The following ERG variants were observed in gnomAD, a reference collection of about 807,000 sequenced individuals.
The protein encoded by ERG is ETS transcription factor ERG, also known as transcriptional regulator ERG.
A neutral mutation model predicts 55.3 loss-of-function variants in ERG; 9 were observed. The ratio of observed to expected loss-of-function variants is 0.16; its 90% CI spans 0.10 to 0.28. The LOEUF (loss-of-function observed/expected upper bound fraction) is 0.28. ERG is among the 10% of genes least tolerant of loss of function. ERG has a pLI of 1.00. For synonymous variants in ERG, 223 were observed against 237.3 expected, an observed-to-expected ratio of 0.94 and a Z score of 0.55; for missense variants, 434 against 631.6, an observed-to-expected ratio of 0.69 and a Z score of 3.35.
intron 1 of ERG, chr21:38,575,776 A>C (rs554240896): frequency 1.3e-6 from 2 of 1,512,130 alleles, no homozygotes; most frequent in Admixed American, 1.7e-5. Context: ...AACATACATA[A>C]TAATAAACAA....
At chr21:38,484,286 C>T (rs2059264302) in intron 1 of ERG, among the ~76,000 whole-genome samples, 2 of 152,084 alleles carry the variant, frequency 1.3e-5, no homozygotes, top group Admixed American at 6.6e-5. Flanking sequence ...GATTCTTAAT[C>T]ATGATTAACC....
At chr21:38,368,655 T>A in the ERG span, among the ~76,000 whole-genome samples, 5 of 152,108 alleles carry the variant, frequency 3.3e-5, no homozygotes, top group African/African-American at 1.2e-4. Flanking sequence ...CAAGTGCAGG[T>A]TTATTACATA....
At chr21:38,543,364 T>TAAA (rs57245755) in intron 2 of ERG, among the ~76,000 whole-genome samples, 76,807 of 148,766 alleles carry the variant, frequency 0.52, 22,795 homozygotes, top group Non-Finnish European at 0.68. Context: ...TGTTTTTTTT[T>TAAA]AAAAAAAAAG....
rs575813793 is a variant in ERG at position 38,504,569 on chromosome 21, C to A, written c.-41+71093G>T. ...TTGGAAACCATTAAATGAGTTTCAACTTCTTTGTCCGTATAACTGGGTATA... is the reference window on the plus strand; with the variant it reads ...TTGGAAACCATTAAATGAGTTTCAAATTCTTTGTCCGTATAACTGGGTATA... On this transcript the variant is annotated intron_variant, in intron 2 of 8. Transcript: ENST00000398897. 3.3e-5 allele frequency among the ~76,000 whole-genome samples: 5 copies of A among 152,278 alleles called. No individual in the cohort carries two copies. In the South Asian group the frequency reaches 8.3e-4, roughly 25 times the overall value.
In ERG at chr21:38,383,454, G is replaced by T; in HGVS notation, c.1389C>A (p.Asn463Lys). 6.6e-7 allele frequency: 1 copy of T among 1,522,552 alleles called. No homozygotes were observed. Among genetic ancestry groups the T allele is most frequent in the Non-Finnish European group, 8.8e-7 (1 of 1,134,762 alleles). The allele number at this position is 1,522,552 out of a possible 1,614,324, so 94.3% of individuals were successfully genotyped here. A position where few individuals can be genotyped will look rare whatever the true frequency, so the allele number is the denominator to read the frequency against. ...WNSPTGGIYP[N>K]TRLPTSHMPS... ...GCATATGGCTGGTGGGGAGCCTAGTGTTGGGGTATATACCCCCAGTTGGTG... is the reference window on the plus strand; with the variant it reads ...GCATATGGCTGGTGGGGAGCCTAGTTTTGGGGTATATACCCCCAGTTGGTG... The change falls in exon 10 of 10, where the codon AAC becomes AAA. Residue 463 changes from asparagine to lysine, a missense_variant. Asn to Lys is a moderately conservative substitution (Grantham distance 94, BLOSUM62 0). Around this residue, in one of 5 missense-constraint regions of ERG, gnomAD observed 107 missense variants for 126.8 expected, o/e 0.84. Transcript: ENST00000288319. The surrounding 1 kb of genome is among the most constrained non-coding windows in gnomAD (Gnocchi z 5.7).
At chr21:38,565,648 C>A (rs531121603) in intron 2 of ERG, among the ~76,000 whole-genome samples, 2 of 152,308 alleles carry the variant, frequency 1.3e-5, no homozygotes, top group East Asian at 3.9e-4. Context: ...TGCTCCCACT[C>A]CCTTCGGGTC....
At chr21:38,649,047 C>T (rs1379431272) in intron 1 of ERG, among the ~76,000 whole-genome samples, 3 of 152,166 alleles carry the variant, frequency 2.0e-5, no homozygotes, top group Non-Finnish European at 4.4e-5. Context: ...AATCCACCCA[C>T]ACATCTCTAT....
intron 1 of ERG, among the ~76,000 whole-genome samples, chr21:38,474,317 G>A (rs1244618686): frequency 6.6e-6 from 1 of 151,734 alleles, no homozygotes; most frequent in African/African-American, 2.4e-5. Context: ...GAGACTGGAA[G>A]TTCATTGCGT....
intron 3 of ERG, among the ~76,000 whole-genome samples, chr21:38,417,186 G>T (rs567071147): frequency 3.2e-4 from 48 of 152,316 alleles, no homozygotes; most frequent in African/African-American, 1.1e-3. Context: ...GAATAGAAAG[G>T]TCCTAGCACA....
At chr21:38,502,681 T>C (rs1025525408), upstream of ERG, 3 of 152,544 alleles carry the variant, frequency 2.0e-5, no homozygotes, top group Admixed American at 6.5e-5. Flanking sequence ...TTTCACTATA[T>C]GTAAAAATTA....
chr21:38,533,093 C>T (rs191213437), intron 2 of ERG, among the ~76,000 whole-genome samples: 43 of 152,252 alleles, frequency 2.8e-4, no homozygotes, highest in Middle Eastern at 3.4e-3. Flanking sequence ...ACACAACATA[C>T]GGTACTTTAT....
intron 3 of ERG, among the ~76,000 whole-genome samples, chr21:38,411,204 C>G: frequency 6.6e-6 from 1 of 152,336 alleles, no homozygotes; most frequent in Middle Eastern, 3.4e-3. Flanking sequence ...AAGACTGTTT[C>G]TGAGCCTTTT....
intron 1 of ERG, among the ~76,000 whole-genome samples, chr21:38,458,489 C>T (rs928957477): frequency 5.3e-5 from 8 of 151,118 alleles, no homozygotes; most frequent in Non-Finnish European, 8.8e-5. Flanking sequence ...GGCCTTGACA[C>T]GTGAGATGTC....
chr21:38,498,771 G>A (rs752633266), upstream of ERG, among the ~76,000 whole-genome samples: 2 of 152,162 alleles, frequency 1.3e-5, no homozygotes, highest in Non-Finnish European at 2.9e-5. This position sits in a 1 kb window ranked among gnomAD's most constrained non-coding sequence, Gnocchi z 4.6. Context: ...GACTCCGCAT[G>A]GCTTCACACG....
intron 1 of ERG, among the ~76,000 whole-genome samples, chr21:38,600,939 C>T (rs78408144): frequency 4.6e-5 from 7 of 152,150 alleles, no homozygotes; most frequent in Non-Finnish European, 7.3e-5. Flanking sequence ...TCTAACCCCC[C>T]CTGGAAATCT....
chr21:38,450,860 A>T (rs1275150782), intron 1 of ERG: 1 of 448,456 alleles, frequency 2.2e-6, no homozygotes, highest in Non-Finnish European at 4.4e-6. Context: ...TTTATGAAAA[A>T]TGATCATTTA....
At chr21:38,391,185 C>A (rs1987952610) in intron 8 of ERG, 143 bp from the exon 9 acceptor site, 1 of 701,578 alleles carries the variant, frequency 1.4e-6, no homozygotes, top group Non-Finnish European at 2.5e-6. Flanking sequence ...CTGCCTCCAC[C>A]TCCTCTATGA....
chr21:38,543,118 G>A (rs746168364), intron 2 of ERG, among the ~76,000 whole-genome samples: 1 of 152,060 alleles, frequency 6.6e-6, no homozygotes, highest in Admixed American at 6.5e-5. Flanking sequence ...TGTGGATTCT[G>A]CTCTAGTCCA....
chr21:38,564,575 TTC>T (rs368309134), intron 2 of ERG, among the ~76,000 whole-genome samples: 3 of 151,676 alleles, frequency 2.0e-5, no homozygotes, highest in African/African-American at 4.9e-5. Context: ...TCTGCACTTC[TTC>T]TCTCTCTCTC....
Sources: allele counts gnomAD v4.1 joint callset (sites outside exome capture counted in the v4.1 genomes callset), GRCh38; gene constraint gnomAD v4.1.1; regional missense constraint gnomAD v4.1.1; non-coding constraint Gnocchi (gnomAD v3.1); transcripts MANE v1.5; gene names NCBI Gene and HGNC (gene_info 2026-07-23, HGNC 2026-07-21).